LOC128462377: variants seen among roughly 807,000 people sequenced by gnomAD.
the LOC128462377 span, among the ~76,000 whole-genome samples, chr16:89,407,977 T>C: frequency 1.3e-5 from 2 of 151,564 alleles, no homozygotes; most frequent in African/African-American, 4.8e-5. Context: ...AACAAACACA[T>C]CTATAGCGAA....
At chr16:89,364,658 G>A in the LOC128462377 span, among the ~76,000 whole-genome samples, 1 of 152,206 alleles carries the variant, frequency 6.6e-6, no homozygotes, top group African/African-American at 2.4e-5. Flanking sequence ...CAGCTGATAA[G>A]CTTAGAAAAA....
the LOC128462377 span, chr16:89,320,405 C>G: frequency 6.6e-6 from 1 of 152,252 alleles, no homozygotes; most frequent in Admixed American, 6.5e-5. Flanking sequence ...CTTGAATCAG[C>G]AGGAAACTGA....
chr16:89,342,938 A>T, the LOC128462377 span, among the ~76,000 whole-genome samples: 1 of 152,214 alleles, frequency 6.6e-6, no homozygotes, highest in Non-Finnish European at 1.5e-5. Flanking sequence ...AACAGGCATC[A>T]TTTACATGCT....
the LOC128462377 span, among the ~76,000 whole-genome samples, chr16:89,416,919 C>A: frequency 6.6e-6 from 1 of 152,120 alleles, no homozygotes; most frequent in Non-Finnish European, 1.5e-5. Flanking sequence ...TCCCATGTAC[C>A]TGGCCCCTCC....
the LOC128462377 span, among the ~76,000 whole-genome samples, chr16:89,337,809 G>A: frequency 6.6e-6 from 1 of 152,140 alleles, no homozygotes; most frequent in African/African-American, 2.4e-5. Flanking sequence ...GTTTGCCCAA[G>A]TCGCACGAGC....
the LOC128462377 span, among the ~76,000 whole-genome samples, chr16:89,370,435 T>C: frequency 6.6e-6 from 1 of 152,114 alleles, no homozygotes; most frequent in Non-Finnish European, 1.5e-5. Flanking sequence ...CCTGCCGTTA[T>C]CCAGGGCAAA....
the LOC128462377 span, among the ~76,000 whole-genome samples, chr16:89,371,697 G>A: frequency 6.6e-6 from 1 of 152,094 alleles, no homozygotes; most frequent in East Asian, 1.9e-4. Flanking sequence ...ATGACTAGAT[G>A]GATATGAGAG....
At chr16:89,399,606 A>G in the LOC128462377 span, among the ~76,000 whole-genome samples, 31 of 152,126 alleles carry the variant, frequency 2.0e-4, no homozygotes, top group African/African-American at 2.2e-4. Context: ...GGATACGTTC[A>G]TCCAACCATA....
the LOC128462377 span, among the ~76,000 whole-genome samples, chr16:89,346,539 G>A: frequency 6.6e-6 from 1 of 152,220 alleles, no homozygotes; most frequent in Non-Finnish European, 1.5e-5. Context: ...CCTAAAAACT[G>A]TGAGAGTCAC....
At chr16:89,409,421 C>G in the LOC128462377 span, among the ~76,000 whole-genome samples, 1 of 152,222 alleles carries the variant, frequency 6.6e-6, no homozygotes, top group South Asian at 2.1e-4. Context: ...GGGTTGCAGC[C>G]AGGGTTTCCT....
the LOC128462377 span, among the ~76,000 whole-genome samples, chr16:89,351,039 C>T: frequency 6.6e-6 from 1 of 152,198 alleles, no homozygotes; most frequent in Non-Finnish European, 1.5e-5. Flanking sequence ...CAACGCATTT[C>T]TCAGGATGCA....
chr16:89,390,447 G>GT, the LOC128462377 span, among the ~76,000 whole-genome samples: 4 of 152,164 alleles, frequency 2.6e-5, no homozygotes, highest in Non-Finnish European at 4.4e-5. Flanking sequence ...ACGGTAAGGG[G>GT]TGCTCCCAAA....
At chr16:89,403,228 G>C in the LOC128462377 span, among the ~76,000 whole-genome samples, 1 of 152,112 alleles carries the variant, frequency 6.6e-6, no homozygotes, top group East Asian at 1.9e-4. Flanking sequence ...TCTGCTTTAC[G>C]GGCACTGACA....
chr16:89,392,106 C>G, the LOC128462377 span, among the ~76,000 whole-genome samples: 20 of 152,232 alleles, frequency 1.3e-4, no homozygotes, highest in East Asian at 3.9e-3. Flanking sequence ...ATGTGAGGTC[C>G]CGTTCCAGCC....
the LOC128462377 span, among the ~76,000 whole-genome samples, chr16:89,385,482 C>T: frequency 6.6e-6 from 1 of 152,106 alleles, no homozygotes; most frequent in Non-Finnish European, 1.5e-5. Context: ...CAAGCCAGCA[C>T]CGGGCAGAGG....
chr16:89,405,736 A>G, the LOC128462377 span, among the ~76,000 whole-genome samples: 1 of 152,088 alleles, frequency 6.6e-6, no homozygotes, highest in Admixed American at 6.6e-5. Flanking sequence ...AGGCCTGTCC[A>G]CGAAGCTCCT....
the LOC128462377 span, among the ~76,000 whole-genome samples, chr16:89,379,905 C>T: frequency 6.6e-6 from 1 of 152,210 alleles, no homozygotes; most frequent in East Asian, 1.9e-4. Context: ...TACATGGCTG[C>T]AGACACTGAC....
chr16:89,333,251 G>C, the LOC128462377 span, among the ~76,000 whole-genome samples: 1 of 152,182 alleles, frequency 6.6e-6, no homozygotes, highest in Non-Finnish European at 1.5e-5. Context: ...ATTTTTTAAA[G>C]CAGCTTTAGG....
chr16:89,324,429 C>T, the LOC128462377 span: 2 of 474,280 alleles, frequency 4.2e-6, no homozygotes, highest in African/African-American at 4.0e-5. Flanking sequence ...AAACTAAAAC[C>T]AAGGTAAGTG....
Sources: gnomAD v4.1 joint callset for allele counts (sites outside exome capture counted in the v4.1 genomes callset) on GRCh38, gnomAD v4.1.1 for gene constraint, MANE v1.5 for transcripts.